PPP1R9B: variants seen among roughly 807,000 people sequenced by gnomAD.
PPP1R9B encodes the protein protein phosphatase 1 regulatory subunit 9B, also known as neurabin-2.
PPP1R9B carries 17 observed loss-of-function variants against 75.8 expected under a neutral mutation model. The ratio of observed to expected loss-of-function variants is 0.22; its 90% CI spans 0.15 to 0.34. The LOEUF is 0.34. Ranked by LOEUF, PPP1R9B falls within the 10% of genes least tolerant of loss-of-function variation. PPP1R9B has a pLI of 1.00. For synonymous variants in PPP1R9B, 509 were observed against 535.4 expected (o/e 0.95, Z 0.68); for missense variants, 875 against 1,196.0 (o/e 0.73, Z 3.96).
At chr17:50,145,065 G>C (rs770588384) in intron 2 of PPP1R9B, 48 bp downstream of exon 2, 1 of 1,602,136 alleles carries the variant, frequency 6.2e-7, no homozygotes, top group Non-Finnish European at 8.5e-7. Flanking sequence ...GATGAGACCC[G>C]GGTCAACCCC....
Position 50,142,130 on chromosome 17 carries a change from C to T in PPP1R9B, c.1626-757G>A, listed in dbSNP as rs1048327779. The stretch of plus-strand genomic sequence containing the variant: ...ACACACCTGATACAGGTGCACCTGC[C>T]GACACACTCCAGTTGTGTCCCCTGA... On this transcript the variant is annotated intron_variant, in intron 3 of 9. Transcript: ENST00000612501. The surrounding 1 kb of genome is among the most constrained non-coding windows in gnomAD (Gnocchi z 4.1). Among the ~76,000 whole-genome samples, 1 of 152,148 alleles carries T rather than the reference C, an allele frequency of 6.6e-6. No homozygotes were observed. Among genetic ancestry groups the T allele is most frequent in the African/African-American group, 2.4e-5 (1 of 41,426 alleles).
rs1301363246 is a variant in PPP1R9B, at chr17:50,142,662, C to G, written c.1625+936G>C. Among the ~76,000 whole-genome samples the G allele has an allele frequency of 6.6e-6, 1 of 152,132 alleles. No homozygotes were observed. Among genetic ancestry groups the G allele is most frequent in the East Asian group, 1.9e-4 (1 of 5,190 alleles). On this transcript the variant is annotated intron_variant, in intron 3 of 9. Transcript: ENST00000612501. The surrounding 1 kb of genome is among the most constrained non-coding windows in gnomAD (Gnocchi z 4.1). The stretch of plus-strand genomic sequence containing the variant: ...GATCCCCAATGTCACCTCTAACTTA[C>G]AGCCACCCTGGGGGATGCCCTACAG...
Position 50,150,627 on chromosome 17 carries a change from T to A in PPP1R9B, c.-114A>T. 2.0e-6 allele frequency: 2 copies of A among 1,015,090 alleles called. No homozygotes were observed. Among genetic ancestry groups the A allele is most frequent in the Non-Finnish European group, 2.5e-6 (2 of 808,804 alleles). The allele number at this position is 1,015,090 out of a possible 1,614,324, so 62.9% of individuals were successfully genotyped here. ...CCCGATAAAAGAAACCCCGAAGGCC[T>A]TTTTTAGGGTCCCCCCAAAACCAAG... On this transcript the variant is annotated 5_prime_UTR_variant, in exon 1 of 10. In the 5' UTR this introduces an upstream ATG that the reference lacks. Coordinates refer to ENST00000612501, the MANE Select transcript of PPP1R9B (RefSeq NM_032595.5). This position sits in a 1 kb window ranked among gnomAD's most constrained non-coding sequence, Gnocchi z 8.7.
At chr17:50,140,475 C>A (rs1460833976) in intron 4 of PPP1R9B, 2 of 567,878 alleles carry the variant, frequency 3.5e-6, no homozygotes, top group Non-Finnish European at 6.3e-6. Flanking sequence ...GAATGTCAGC[C>A]CACCTCTAGG....
chr17:50,135,483 G>A, intron 9 of PPP1R9B, 70 bp downstream of exon 9: 1 of 1,580,148 alleles, frequency 6.3e-7, no homozygotes, highest in Non-Finnish European at 8.7e-7. Context: ...CTCCCTCCAG[G>A]ACCCACAGGG....
At position 50,149,809 on chromosome 17, in the gene PPP1R9B, C is replaced by G; in HGVS notation, c.705G>C (p.Gly235=). The part of the protein sequence containing the change: ...HRGPGLPRAA[G]VPQVNSKLVS... ...CCAGCTTCGAGTTGACCTGGGGAAC[C>G]CCTGCGGCCCTGGGGAGCCCGGGCC... Residue 235 remains glycine (G), a synonymous_variant, in exon 1 of 10, where the codon GGG becomes GGC. Coordinates refer to ENST00000612501, the MANE Select transcript of PPP1R9B (RefSeq NM_032595.5). The surrounding 1 kb of genome is among the most constrained non-coding windows in gnomAD (Gnocchi z 7.2). 1.4e-6 allele frequency: 2 copies of G among 1,424,894 alleles called. No individual in the cohort carries two copies. Among genetic ancestry groups the G allele is most frequent in the Non-Finnish European group, 1.8e-6 (2 of 1,096,030 alleles). 88.3% of individuals were successfully genotyped at this position (1,424,894 alleles called of 1,614,324 possible). A position where few individuals can be genotyped will look rare whatever the true frequency, so the allele number is the denominator to read the frequency against.
At chr17:50,136,486 A>G in intron 7 of PPP1R9B, among the ~76,000 whole-genome samples, 1 of 152,106 alleles carries the variant, frequency 6.6e-6, no homozygotes, top group East Asian at 1.9e-4. Context: ...CAATGCAACT[A>G]ATGTCCCAAG....
In PPP1R9B at chr17:50,149,039, GGGCTGACTCAGCCTGCCAAACCC is replaced by G. The variant is rs1912597586; in HGVS notation, c.1371+81_1371+103del. 1 of 815,928 alleles carries G rather than the reference GGGCTGACTCAGCCTGCCAAACCC, an allele frequency of 1.2e-6. No homozygotes were observed. Among genetic ancestry groups the G allele is most frequent in the Admixed American group, 3.6e-5 (1 of 27,552 alleles). The allele number at this position is 815,928 out of a possible 1,614,324, so 50.5% of individuals were successfully genotyped here. On this transcript the variant is annotated intron_variant, in intron 1 of 9. Transcript: ENST00000612501. The surrounding 1 kb of genome is among the most constrained non-coding windows in gnomAD (Gnocchi z 7.2). Reference sequence around the variant, plus strand: ...TTCTGGGAAGGGGGCTGGGTGGCAGGGGCTGACTCAGCCTGCCAAACCCGGCTGGCTGGCTGGCGAGCGGGGGC... The same window carrying G: ...TTCTGGGAAGGGGGCTGGGTGGCAGGGGCTGGCTGGCTGGCGAGCGGGGGC...
In PPP1R9B at chr17:50,150,260, C is replaced by T; in HGVS notation, c.254G>A (p.Arg85Gln). The T allele has an allele frequency of 6.9e-7, 1 of 1,444,998 alleles. No individual in the cohort carries two copies. The highest frequency in any genetic ancestry group is 9.1e-7 in the Non-Finnish European group (1 of 1,094,074). The allele number at this position is 1,444,998 out of a possible 1,614,324, so 89.5% of individuals were successfully genotyped here. Residue 85 changes from arginine to glutamine, a missense_variant, in exon 1 of 10, where the codon CGG (arginine) becomes CAG (glutamine). By Grantham distance (43) the Arg-to-Gln change is conservative. Around this residue, in one of 4 missense-constraint regions of PPP1R9B, gnomAD observed 145 missense variants for 226.1 expected, o/e 0.64. Transcript: ENST00000612501. The surrounding 1 kb of genome is among the most constrained non-coding windows in gnomAD (Gnocchi z 8.7). The stretch of plus-strand genomic sequence containing the variant: ...CAGGCGCACGCCGCGCTCGGACGCC[C>T]GTGGGGCCTCGGCCAGGCCCGCGCC... ...GGGAGLAEAPRASERGVRLSL... is the reference protein window; with the variant it reads ...GGGAGLAEAPQASERGVRLSL...
At chr17:50,135,486 C>A (rs1912200584) in intron 9 of PPP1R9B, 67 bp downstream of exon 9, 2 of 1,585,164 alleles carry the variant, frequency 1.3e-6, no homozygotes, top group Non-Finnish European at 1.7e-6. Flanking sequence ...CCTCCAGGAC[C>A]CACAGGGTAG....
At chr17:50,138,079 A>G (rs1912273411) in intron 7 of PPP1R9B, among the ~76,000 whole-genome samples, 1 of 152,054 alleles carries the variant, frequency 6.6e-6, no homozygotes, top group African/African-American at 2.4e-5. Flanking sequence ...GACTTTTAAT[A>G]TGAAGTCTGT....
intron 4 of PPP1R9B, 49 bp downstream of exon 4, chr17:50,141,220 G>C (rs750286250): frequency 1.6e-6 from 2 of 1,272,272 alleles, no homozygotes; most frequent in South Asian, 1.3e-5. Flanking sequence ...GGAGTGCCTG[G>C]ACGAGGACCT....
At chr17:50,138,539 T>C (rs932299447) in intron 7 of PPP1R9B, among the ~76,000 whole-genome samples, 1 of 152,066 alleles carries the variant, frequency 6.6e-6, no homozygotes, top group African/African-American at 2.4e-5. Context: ...GGCCTATATA[T>C]AGCAGACATA....
chr17:50,145,744 C>T (rs1416937326), intron 1 of PPP1R9B, among the ~76,000 whole-genome samples: 2 of 142,636 alleles, frequency 1.4e-5, no homozygotes, highest in African/African-American at 2.7e-5. Context: ...GAGGGGGGAG[C>T]GGGTGTGAGA....
chr17:50,144,780 C>G (rs1180868515), intron 2 of PPP1R9B, among the ~76,000 whole-genome samples: 1 of 152,208 alleles, frequency 6.6e-6, no homozygotes, highest in Non-Finnish European at 1.5e-5. Flanking sequence ...TGTCTGCCTC[C>G]CCCATCCATC....
chr17:50,149,290 A>G lies in PPP1R9B; in HGVS notation c.1224T>C (p.Ser408=), dbSNP rs374420062. The G allele has an allele frequency of 7.4e-6, 12 of 1,612,706 alleles. No homozygotes were observed. The highest frequency in any genetic ancestry group is 5.3e-5 in the African/African-American group (4 of 74,830). ...CGTCTTCGTCGTCCTCCTCCAGGGC[A>G]CTGCCCGCAGAGTCCTCCCCGAGCC... ...YSGLGEDSAG[S]ALEEDDEDDE... The change falls in exon 1 of 10, where the codon AGT becomes AGC. Residue 408 remains serine, a synonymous_variant. Coordinates refer to ENST00000612501, the MANE Select transcript of PPP1R9B (RefSeq NM_032595.5). The surrounding 1 kb of genome is among the most constrained non-coding windows in gnomAD (Gnocchi z 7.2).
intron 2 of PPP1R9B, among the ~76,000 whole-genome samples, chr17:50,144,386 A>G (rs996988720): frequency 2.0e-5 from 3 of 152,110 alleles, no homozygotes; most frequent in Non-Finnish European, 2.9e-5. Context: ...CCGCTCTGCC[A>G]TCTTCCTGTC....
At chr17:50,141,569 G>A (rs1204933660) in intron 3 of PPP1R9B, among the ~76,000 whole-genome samples, 196 bp from the exon 4 acceptor site, 1 of 151,716 alleles carries the variant, frequency 6.6e-6, no homozygotes, top group Non-Finnish European at 1.5e-5. Flanking sequence ...AGGATGAAGT[G>A]GGAGGATCAC....
chr17:50,138,153 CGTGTGTGTGTGTGTGTGTGTGTGT>C (rs58489923), intron 7 of PPP1R9B, among the ~76,000 whole-genome samples: 8 of 146,318 alleles, frequency 5.5e-5, no homozygotes, highest in Non-Finnish European at 1.1e-4. Flanking sequence ...GTGTATACTA[CGTGTGTGTGTGTGTGTGTGTGTGT>C]GTGTGTGTGT....
Sources: allele counts gnomAD v4.1 joint callset (sites outside exome capture counted in the v4.1 genomes callset), GRCh38; gene constraint gnomAD v4.1.1; regional missense constraint gnomAD v4.1.1; non-coding constraint Gnocchi (gnomAD v3.1); transcripts MANE v1.5; gene names NCBI Gene and HGNC (gene_info 2026-07-23, HGNC 2026-07-21).